The following ZNF850 variants were observed in gnomAD, a reference collection of about 807,000 sequenced individuals.
ZNF850 encodes the protein putative zinc finger protein ENSP00000330994.
In ZNF850, 2 loss-of-function variants were observed where a neutral mutation model predicts 11.9. The observed-to-expected ratio is 0.17, with a 90% CI of 0.07 to 0.53. The LOEUF (loss-of-function observed/expected upper bound fraction) is 0.53. Ranked by LOEUF, ZNF850 falls within the 20% of genes least tolerant of loss-of-function variation. The pLI is 0.94. For missense variants in ZNF850, 1,014 were observed against 1,316.4 expected (o/e 0.77, Z 3.55); for synonymous variants, 381 against 443.0 (o/e 0.86, Z 1.76).
chr19:36,759,282 C>T (rs920874861), intron 4 of ZNF850, among the ~76,000 whole-genome samples: 2 of 151,888 alleles, frequency 1.3e-5, no homozygotes, highest in Admixed American at 6.6e-5. Context: ...CAGACCAGCC[C>T]GTGGCACACA....
intron 1 of ZNF850, 81 bp from the exon 2 acceptor site, chr19:36,762,756 C>G: frequency 2.6e-6 from 2 of 759,334 alleles, no homozygotes; most frequent in Non-Finnish European, 4.3e-6. Context: ...AAGCTGTAGG[C>G]CTAGCAAAGC....
Position 36,748,783 on chromosome 19 carries a change from C to A in ZNF850, c.2257G>T (p.Gly753Cys). The A allele has an allele frequency of 6.4e-7, 1 of 1,552,620 alleles. No individual in the cohort carries two copies. The highest frequency in any genetic ancestry group is 1.4e-5 in the African/African-American group (1 of 73,514). ...TLIQHQQIHT[G>C]EKPYDCKECG... ...TCCTTACAATCATAGGGTTTCTCAC[C>A]AGTGTGAATTTGCTGATGTTGAATT... The change falls in exon 5 of 5, where the codon GGT becomes TGT. Residue 753 changes from glycine to cysteine, a missense_variant. Transcript: ENST00000591344.
chr19:36,753,444 A>AAAAAAAAAAAAC (rs2040466531), intron 4 of ZNF850, among the ~76,000 whole-genome samples: 1 of 145,504 alleles, frequency 6.9e-6, no homozygotes, highest in East Asian at 2.0e-4. Context: ...AAAAAAAAAA[A>AAAAAAAAAAAAC]AAGCCGGGTG....
At chr19:36,769,368 G>T (rs954696576) in intron 1 of ZNF850, among the ~76,000 whole-genome samples, 17 of 151,924 alleles carry the variant, frequency 1.1e-4, no homozygotes, top group African/African-American at 4.1e-4. Context: ...TGGAGGCAGA[G>T]GTAGGAGGAT....
At chr19:36,762,102 A>G (rs1190214059) in intron 3 of ZNF850, among the ~76,000 whole-genome samples, 5 of 151,986 alleles carry the variant, frequency 3.3e-5, no homozygotes, top group Non-Finnish European at 7.4e-5. Context: ...CCTGAATTCA[A>G]AGTTAGTCCC....
At chr19:36,755,238 G>T (rs536118520) in intron 4 of ZNF850, among the ~76,000 whole-genome samples, 6 of 152,064 alleles carry the variant, frequency 3.9e-5, no homozygotes, top group South Asian at 2.1e-4. Context: ...TTCTTTTTCG[G>T]TTTTTTTGAG....
At chr19:36,767,074 T>C (rs2040553380) in intron 1 of ZNF850, among the ~76,000 whole-genome samples, 1 of 151,294 alleles carries the variant, frequency 6.6e-6, no homozygotes, top group Admixed American at 6.6e-5. Flanking sequence ...CTGTCTCAAA[T>C]TAAAATACAA....
In ZNF850 at chr19:36,745,451, T is replaced by A. The variant is rs2040406179; in HGVS notation, c.*2316A>T. 1 of 151,948 alleles carries A rather than the reference T, an allele frequency of 6.6e-6. No homozygotes were observed. Among genetic ancestry groups the A allele is most frequent in the South Asian group, 2.1e-4 (1 of 4,824 alleles). 9.4% of individuals were successfully genotyped at this position (151,948 alleles called of 1,614,324 possible). A position where few individuals can be genotyped will look rare whatever the true frequency, so the allele number is the denominator to read the frequency against. The stretch of plus-strand genomic sequence containing the variant: ...AAATGCCTTTCCTGACTACCTTATC[T>A]AAATTAGTCCTGCCCAGAGTTCAGA... On this transcript the variant is annotated 3_prime_UTR_variant, in exon 5 of 5. Coordinates refer to ENST00000591344, the MANE Select transcript of ZNF850 (RefSeq NM_001193552.2).
At chr19:36,755,227 A>G (rs2040478547) in intron 4 of ZNF850, among the ~76,000 whole-genome samples, 1 of 152,098 alleles carries the variant, frequency 6.6e-6, no homozygotes, top group Non-Finnish European at 1.5e-5. Flanking sequence ...AAATTAAAAA[A>G]TTCTTTTTCG....
intron 1 of ZNF850, among the ~76,000 whole-genome samples, chr19:36,768,996 C>G (rs1189068668): frequency 6.7e-5 from 10 of 149,202 alleles, no homozygotes; most frequent in Non-Finnish European, 1.5e-4. Context: ...TGTGGTGGCT[C>G]ACACCTGTAA....
chr19:36,749,865 G>A lies in ZNF850; in HGVS notation c.1175C>T (p.Pro392Leu). 1.9e-6 allele frequency: 3 copies of A among 1,580,238 alleles called. No homozygotes were observed. The highest frequency in any genetic ancestry group is 2.6e-6 in the Non-Finnish European group (3 of 1,165,280). ...RHQRIHTGEKPYDCKECGKSF... is the reference protein window; with the variant it reads ...RHQRIHTGEKLYDCKECGKSF... ...TTTCCCACATTCCTTACAATCATAG[G>A]GTTTCTCACCAGTGTGAATTCGCTG... Residue 392 changes from proline to leucine, a missense_variant, in exon 5 of 5, where the codon CCC (proline) becomes CTC (leucine). Pro to Leu is a moderately conservative substitution (Grantham distance 98, BLOSUM62 -3). This residue lies in a region of ZNF850 where 835 missense variants were observed against 1,022.0 expected (regional missense o/e 0.82). Transcript: ENST00000591344.
chr19:36,749,511 C>T lies in ZNF850; in HGVS notation c.1529G>A (p.Cys510Tyr), dbSNP rs997467427. Residue 510 changes from cysteine (C) to tyrosine (Y), a missense_variant, in exon 5 of 5, where the codon TGT becomes TAT. By Grantham distance (194) the Cys-to-Tyr change is radical. Coordinates refer to ENST00000591344, the MANE Select transcript of ZNF850 (RefSeq NM_001193552.2). The stretch of plus-strand genomic sequence containing the variant: ...TGAGCCAGAAGCAAAAGATTTTCCA[C>T]ATTCTTTACAATTATAGGGTTTCTC... ...TGEKPYNCKE[C>Y]GKSFASGSAL... The T allele has an allele frequency of 1.9e-6, 3 of 1,545,538 alleles. No homozygotes were observed. Among genetic ancestry groups the T allele is most frequent in the Admixed American group, 1.9e-5 (1 of 51,312 alleles).
In ZNF850 at chr19:36,770,025, T is replaced by C. The variant is rs77884295; in HGVS notation, c.-70+2700A>G. Among the ~76,000 whole-genome samples, 785 of 152,286 alleles carry C rather than the reference T, an allele frequency of 5.2e-3. 20 individuals are homozygous for C. The highest frequency in any genetic ancestry group is 0.037 in the Admixed American group (559 of 15,298). ...GATTAATTTGCTAAAATAAAATGGC[T>C]CACAGACCTCAGGGAAACACATTTA... is the stretch of plus-strand genomic sequence containing the variant. On this transcript the variant is annotated intron_variant, in intron 1 of 4. Coordinates refer to ENST00000591344, the MANE Select transcript of ZNF850 (RefSeq NM_001193552.2).
rs56769461 is a variant in ZNF850 at position 36,747,635 on chromosome 19, C to CAAAA, written c.*128_*131dup. On this transcript the variant is annotated 3_prime_UTR_variant, in exon 5 of 5. Transcript: ENST00000591344. ...TGGGCGACAGAGCAAGACTCCGTCT[C>CAAAA]AAAAAAAAAAAAAAAAGTCGTAATT... The CAAAA allele has an allele frequency of 1.1e-3, 834 of 767,520 alleles. 6 individuals carry two copies. The African/African-American group carries it at 0.017, about 16-fold the overall frequency. The allele number at this position is 767,520 out of a possible 1,614,324, so 47.5% of individuals were successfully genotyped here. A position where few individuals can be genotyped will look rare whatever the true frequency, so the allele number is the denominator to read the frequency against.
chr19:36,768,366 T>C (rs2040561096), intron 1 of ZNF850, among the ~76,000 whole-genome samples: 1 of 152,158 alleles, frequency 6.6e-6, no homozygotes, highest in Admixed American at 6.5e-5. Flanking sequence ...AATACTTCTC[T>C]TTCCAAAAAA....
At chr19:36,753,296 A>G (rs1274473425) in intron 4 of ZNF850, among the ~76,000 whole-genome samples, 1 of 149,070 alleles carries the variant, frequency 6.7e-6, no homozygotes, top group Non-Finnish European at 1.5e-5. Context: ...AAAAAAAGTA[A>G]AAGTTCTATA....
At chr19:36,769,389 C>G (rs973623226) in intron 1 of ZNF850, among the ~76,000 whole-genome samples, 2 of 151,930 alleles carry the variant, frequency 1.3e-5, no homozygotes, top group African/African-American at 4.8e-5. Flanking sequence ...CACTTGAACT[C>G]AGGAGTTCAA....
intron 4 of ZNF850, among the ~76,000 whole-genome samples, chr19:36,760,958 A>G (rs908240214): frequency 2.6e-5 from 4 of 152,324 alleles, no homozygotes; most frequent in African/African-American, 9.6e-5. Context: ...GTTAAGGATC[A>G]GTATGAAAAA....
rs774834658 is a variant in ZNF850 at position 36,749,886 on chromosome 19, C to T, written c.1154G>A (p.Arg385Gln). The T allele has an allele frequency of 5.3e-5, 84 of 1,579,064 alleles. No individual in the cohort carries two copies. Among genetic ancestry groups the T allele is most frequent in the East Asian group, 1.9e-4 (8 of 43,180 alleles). Residue 385 changes from arginine to glutamine, a missense_variant, in exon 5 of 5, where the codon CGA (arginine) becomes CAA (glutamine). By Grantham distance (43) the Arg-to-Gln change is conservative (BLOSUM62 1). Coordinates refer to ENST00000591344, the MANE Select transcript of ZNF850 (RefSeq NM_001193552.2). ...ATAGGGTTTCTCACCAGTGTGAATTCGCTGATGTCGAATTAGAGCTGAGTG... is the reference window on the plus strand; with the variant it reads ...ATAGGGTTTCTCACCAGTGTGAATTTGCTGATGTCGAATTAGAGCTGAGTG... ...TFHSALIRHQ[R>Q]IHTGEKPYDC...
Sources: gnomAD v4.1 joint callset for allele counts (sites outside exome capture counted in the v4.1 genomes callset) on GRCh38, gnomAD v4.1.1 for gene constraint, gnomAD v4.1.1 regional missense constraint, MANE v1.5 for transcripts, NCBI Gene and HGNC (gene_info 2026-07-23, HGNC 2026-07-21) for gene names.